The following MBD5 variants were observed in gnomAD, a reference collection of about 807,000 sequenced individuals.
MBD5 encodes the protein methyl-CpG binding domain protein 5, also known as methyl-CpG-binding domain protein 5.
MBD5 carries 13 observed loss-of-function variants against 117.3 expected under a neutral mutation model. The ratio of observed to expected loss-of-function variants is 0.11; its 90% CI spans 0.07 to 0.18. The LOEUF (loss-of-function observed/expected upper bound fraction) is 0.18. MBD5 is among the 10% of genes least tolerant of loss of function. MBD5 has a pLI of 1.00. For missense variants in MBD5, 1,879 were observed against 2,093.8 expected (o/e 0.90, Z 2.00); for synonymous variants, 727 against 766.4 (o/e 0.95, Z 0.85).
At chr2:148,441,900 T>A (rs1706337101) in intron 4 of MBD5, among the ~76,000 whole-genome samples, 1 of 152,220 alleles carries the variant, frequency 6.6e-6, no homozygotes. Context: ...TGCATAAATG[T>A]CTTCTTTTGA....
rs148613067 is a variant in MBD5, at chr2:148,136,630, A to G, written c.-924-42070A>G. 2.6e-5 allele frequency among the ~76,000 whole-genome samples: 4 copies of G among 152,326 alleles called. No individual in the cohort carries two copies. The East Asian group carries it at 7.7e-4, about 29-fold the overall frequency. On this transcript the variant is annotated intron_variant, in intron 1 of 13. Coordinates refer to ENST00000642680, the MANE Select transcript of MBD5 (RefSeq NM_001378120.1). ...AAGGAGGTAAACAGTTATTAGGTCA[A>G]TAAAGTTACTTGGCTAACATGTGAA...
At chr2:148,379,845 G>C (rs1225990279) in intron 4 of MBD5, among the ~76,000 whole-genome samples, 1 of 152,068 alleles carries the variant, frequency 6.6e-6, no homozygotes, top group East Asian at 1.9e-4. Context: ...CCAATAGAGG[G>C]AGGAAATGAA....
intron 4 of MBD5, among the ~76,000 whole-genome samples, chr2:148,434,790 T>A (rs1171094639): frequency 6.6e-6 from 1 of 152,190 alleles, no homozygotes; most frequent in African/African-American, 2.4e-5. Context: ...AGAGTCCAGT[T>A]CAAGTTCTGA....
chr2:148,507,478 G>T (rs1682068243), intron 12 of MBD5, among the ~76,000 whole-genome samples: 1 of 152,158 alleles, frequency 6.6e-6, no homozygotes. Context: ...ACAATACTTG[G>T]GCCGGGCGCG....
At chr2:148,413,389 A>G (rs1705322687) in intron 4 of MBD5, among the ~76,000 whole-genome samples, 1 of 152,052 alleles carries the variant, frequency 6.6e-6, no homozygotes. Context: ...GGATTTTTGC[A>G]TTGAAGTTCA....
chr2:148,408,247 AGATT>A (rs1430049968), intron 4 of MBD5, among the ~76,000 whole-genome samples: 5 of 152,192 alleles, frequency 3.3e-5, no homozygotes, highest in Admixed American at 2.6e-4. Flanking sequence ...CATTAACATT[AGATT>A]GATTTGCCCA....
chr2:148,472,455 A>G (rs1380661213), intron 8 of MBD5: 1 of 152,150 alleles, frequency 6.6e-6, no homozygotes, highest in Non-Finnish European at 1.5e-5. Flanking sequence ...ATTAACGTGC[A>G]TAGGTCTGAT....
chr2:148,312,222 T>C lies in MBD5; in HGVS notation c.-679-29992T>C, dbSNP rs997180528. Among the ~76,000 whole-genome samples, 9 of 152,360 alleles carry C rather than the reference T, an allele frequency of 5.9e-5. No individual in the cohort carries two copies. The South Asian group carries it at 1.9e-3, about 32-fold the overall frequency. On this transcript the variant is annotated intron_variant, in intron 3 of 13. Coordinates refer to ENST00000642680, the MANE Select transcript of MBD5 (RefSeq NM_001378120.1). ...CCTTGCTAGGTTGGGGACGTTCTCC[T>C]GGATAATATCCTGAGGAGTGTTTTC...
intron 1 of MBD5, among the ~76,000 whole-genome samples, chr2:148,070,710 A>G (rs115080962): frequency 0.019 from 2,886 of 152,310 alleles, 88 homozygotes; most frequent in African/African-American, 0.066. Flanking sequence ...AAAGCCTGGC[A>G]ACTTCTCTAG....
chr2:148,360,146 A>G (rs72859307), intron 4 of MBD5, among the ~76,000 whole-genome samples: 3,318 of 152,262 alleles, frequency 0.022, 48 homozygotes, highest in Middle Eastern at 0.037. Context: ...ATTTTTCATA[A>G]TCAAAATGTA....
intron 4 of MBD5, among the ~76,000 whole-genome samples, chr2:148,389,273 T>TAC (rs1704486658): frequency 2.5e-5 from 2 of 81,278 alleles, no homozygotes; most frequent in Non-Finnish European, 4.8e-5. Context: ...TATATATATA[T>TAC]ATATATATAT....
intron 1 of MBD5, among the ~76,000 whole-genome samples, chr2:148,141,064 G>A (rs768158642): frequency 1.3e-5 from 2 of 152,076 alleles, no homozygotes; most frequent in African/African-American, 4.8e-5. Context: ...CAGGCACCGC[G>A]CCCAGCTGGT....
At chr2:148,372,621 G>C (rs1703885982) in intron 4 of MBD5, among the ~76,000 whole-genome samples, 4 of 152,008 alleles carry the variant, frequency 2.6e-5, no homozygotes, top group Non-Finnish European at 1.5e-5. Flanking sequence ...GAGAAAGATA[G>C]TAGTGGTGAA....
chr2:148,098,738 T>C (rs892419199), intron 1 of MBD5, among the ~76,000 whole-genome samples: 2 of 151,860 alleles, frequency 1.3e-5, no homozygotes, highest in Admixed American at 6.6e-5. Context: ...TGAGAACCAT[T>C]GATGTAGGGG....
At position 148,469,803 on chromosome 2, in the gene MBD5, A is replaced by C. The variant is rs752380796; in HGVS notation, c.1860A>C (p.Leu620Phe). The C allele has an allele frequency of 6.2e-7, 1 of 1,613,954 alleles. No homozygotes were observed. The highest frequency in any genetic ancestry group is 8.5e-7 in the Non-Finnish European group (1 of 1,179,878). ...GCAACACTGAAGGACATAGCACTTTAAACACCATGTTCCCTCCTACTGCCA... is the reference window on the plus strand; with the variant it reads ...GCAACACTGAAGGACATAGCACTTTCAACACCATGTTCCCTCCTACTGCCA... ...GSGNTEGHST[L>F]NTMFPPTANM... Residue 620 changes from leucine to phenylalanine, a missense_variant, in exon 8 of 14, where the codon TTA (leucine) becomes TTC (phenylalanine). By Grantham distance (22) the Leu-to-Phe change is conservative (BLOSUM62 0). This residue lies in a region of MBD5 where 1,666 missense variants were observed against 1,792.2 expected (regional missense o/e 0.93). Coordinates refer to ENST00000642680, the MANE Select transcript of MBD5 (RefSeq NM_001378120.1).
chr2:148,054,096 A>G (rs536911399), intron 1 of MBD5: 3 of 151,818 alleles, frequency 2.0e-5, no homozygotes, highest in Non-Finnish European at 4.4e-5. Context: ...TGTAGAGACA[A>G]GGCCTCCCTA....
At chr2:148,131,142 G>A (rs1221016613) in intron 1 of MBD5, among the ~76,000 whole-genome samples, 1 of 152,170 alleles carries the variant, frequency 6.6e-6, no homozygotes. Flanking sequence ...CATATTCTAA[G>A]ATAGAAATTA....
At chr2:148,116,521 T>G (rs12691775) in intron 1 of MBD5, among the ~76,000 whole-genome samples, 63,470 of 152,098 alleles carry the variant, frequency 0.42, 13,434 homozygotes, top group Middle Eastern at 0.55. Context: ...AAAATAATTA[T>G]ACCTCAGGAT....
intron 1 of MBD5, among the ~76,000 whole-genome samples, chr2:148,042,233 T>C (rs1270251248): frequency 6.6e-6 from 1 of 152,214 alleles, no homozygotes; most frequent in Non-Finnish European, 1.5e-5. Context: ...ATCAAGGCAC[T>C]CTTACACTAA....
Sources: allele counts gnomAD v4.1 joint callset (sites outside exome capture counted in the v4.1 genomes callset), GRCh38; gene constraint gnomAD v4.1.1; regional missense constraint gnomAD v4.1.1; transcripts MANE v1.5; gene names NCBI Gene and HGNC (gene_info 2026-07-23, HGNC 2026-07-21).